KCND2: variants seen among roughly 807,000 people sequenced by gnomAD.
The protein encoded by KCND2 is A-type voltage-gated potassium channel KCND2.
KCND2 carries 16 observed loss-of-function variants against 54.4 expected under a neutral mutation model. The ratio of observed to expected loss-of-function variants is 0.29; its 90% CI spans 0.20 to 0.45. KCND2 has a LOEUF of 0.45. Ranked by LOEUF, KCND2 falls within the 20% of genes least tolerant of loss-of-function variation. The pLI, the probability that KCND2 is intolerant of heterozygous loss-of-function variation, is 1.00. For missense variants in KCND2, 486 were observed against 824.2 expected, an observed-to-expected ratio of 0.59 and a Z score of 5.02; for synonymous variants, 317 against 310.7, an observed-to-expected ratio of 1.02 and a Z score of -0.21.
In KCND2 at chr7:120,492,795, T is replaced by C. The variant is rs541543084; in HGVS notation, c.1115+217048T>C. 7.9e-5 allele frequency among the ~76,000 whole-genome samples: 12 copies of C among 152,212 alleles called. No individual in the cohort carries two copies. The South Asian group carries it at 2.3e-3, about 29-fold the overall frequency. ...CGTGCCATAAATATGCTCAGAACAC[T>C]TCCATTAGCCTACAGTTGGGCAAAG... On this transcript the variant is annotated intron_variant, in intron 1 of 5. Transcript: ENST00000331113.
intron 1 of KCND2, among the ~76,000 whole-genome samples, chr7:120,680,306 T>G (rs1792122992): frequency 6.6e-6 from 1 of 152,108 alleles, no homozygotes; most frequent in Non-Finnish European, 1.5e-5. Context: ...TCCCTGGCCC[T>G]TTGTCAGTAT....
At chr7:120,277,707 ATT>A in intron 1 of KCND2, among the ~76,000 whole-genome samples, 1 of 152,128 alleles carries the variant, frequency 6.6e-6, no homozygotes, top group Admixed American at 6.5e-5. Flanking sequence ...TGACTTTCCA[ATT>A]TTTATTTTAT....
At chr7:120,466,853 T>C (rs1465601418) in intron 1 of KCND2, among the ~76,000 whole-genome samples, 1 of 152,110 alleles carries the variant, frequency 6.6e-6, no homozygotes, top group Non-Finnish European at 1.5e-5. Context: ...GAGAATCCAC[T>C]CTCTCATCTT....
intron 1 of KCND2, among the ~76,000 whole-genome samples, chr7:120,437,207 T>G: frequency 6.7e-6 from 1 of 149,944 alleles, no homozygotes; most frequent in South Asian, 2.1e-4. Context: ...TATACAACTT[T>G]TTTTTTTTTT....
At chr7:120,597,827 A>G (rs2116468150) in intron 1 of KCND2, among the ~76,000 whole-genome samples, 1 of 152,266 alleles carries the variant, frequency 6.6e-6, no homozygotes. Context: ...TTAAGGCCCT[A>G]GTCAGTCTTG....
At chr7:120,348,955 C>G (rs918850722) in intron 1 of KCND2, among the ~76,000 whole-genome samples, 3 of 151,966 alleles carry the variant, frequency 2.0e-5, no homozygotes, top group African/African-American at 7.2e-5. Flanking sequence ...CTAGGGGGCT[C>G]ATAATAATAT....
chr7:120,460,701 T>G (rs1411805543), intron 1 of KCND2, among the ~76,000 whole-genome samples: 1 of 151,998 alleles, frequency 6.6e-6, no homozygotes, highest in African/African-American at 2.4e-5. Flanking sequence ...CGGAGGCACC[T>G]CCATACTGAT....
At chr7:120,545,123 C>T (rs796241646) in intron 1 of KCND2, among the ~76,000 whole-genome samples, 10 of 151,978 alleles carry the variant, frequency 6.6e-5, no homozygotes, top group African/African-American at 2.4e-4. Context: ...GATTCTAATC[C>T]TAAAACATGT....
intron 1 of KCND2, among the ~76,000 whole-genome samples, chr7:120,448,042 T>TATC (rs1170302183): frequency 5.9e-5 from 9 of 152,182 alleles, no homozygotes. Flanking sequence ...AAAAAATTAT[T>TATC]ATCATAGTTT....
intron 1 of KCND2, among the ~76,000 whole-genome samples, chr7:120,308,561 C>A (rs1365672671): frequency 6.6e-6 from 1 of 152,164 alleles, no homozygotes; most frequent in African/African-American, 2.4e-5. Flanking sequence ...TTATCACAAA[C>A]AATTGCCTTG....
chr7:120,319,833 ATATTT>A (rs1799868053), intron 1 of KCND2, among the ~76,000 whole-genome samples: 2 of 152,096 alleles, frequency 1.3e-5, no homozygotes, highest in Admixed American at 6.6e-5. Flanking sequence ...AATCAATATT[ATATTT>A]TATGTTTTTA....
At chr7:120,509,328 A>C (rs937211663) in intron 1 of KCND2, among the ~76,000 whole-genome samples, 1 of 152,236 alleles carries the variant, frequency 6.6e-6, no homozygotes, top group South Asian at 2.1e-4. Flanking sequence ...CAAATGTGCC[A>C]TAAGAATATA....
chr7:120,458,951 C>T (rs146351677), intron 1 of KCND2, among the ~76,000 whole-genome samples: 4,030 of 151,156 alleles, frequency 0.027, 83 homozygotes, highest in Non-Finnish European at 0.045. Flanking sequence ...TTCTAGGAAA[C>T]ATTATTTCCT....
intron 1 of KCND2, among the ~76,000 whole-genome samples, chr7:120,428,837 T>C (rs1231383701): frequency 6.6e-6 from 1 of 152,214 alleles, no homozygotes; most frequent in Admixed American, 6.5e-5. Context: ...TTAGTTTCTT[T>C]TAATTCTGGG....
intron 1 of KCND2, among the ~76,000 whole-genome samples, chr7:120,588,859 C>A (rs1461474616): frequency 6.6e-6 from 1 of 152,202 alleles, no homozygotes; most frequent in African/African-American, 2.4e-5. Context: ...TAATTGTCCA[C>A]CTGCCCATCT....
At chr7:120,365,682 C>T (rs553957298) in intron 1 of KCND2, among the ~76,000 whole-genome samples, 1 of 152,136 alleles carries the variant, frequency 6.6e-6, no homozygotes, top group South Asian at 2.1e-4. Flanking sequence ...TTACTAAATA[C>T]TTTTTGACGT....
At position 120,660,868 on chromosome 7, in the gene KCND2, G is replaced by A. The variant is rs142220753; in HGVS notation, c.1116-72035G>A. Among the ~76,000 whole-genome samples, 369 of 152,200 alleles carry A rather than the reference G, an allele frequency of 2.4e-3. 1 individual carries two copies. Among genetic ancestry groups the A allele is most frequent in the African/African-American group, 8.3e-3 (344 of 41,532 alleles). ...AGGTCTTTTTCTAGAAATTGAGATGGGTAAGAGAAAGAGTGTTAAATATTA... is the reference window on the plus strand; with the variant it reads ...AGGTCTTTTTCTAGAAATTGAGATGAGTAAGAGAAAGAGTGTTAAATATTA... On this transcript the variant is annotated intron_variant, in intron 1 of 5. Transcript: ENST00000331113.
At chr7:120,356,953 A>G (rs1428915776) in intron 1 of KCND2, among the ~76,000 whole-genome samples, 4 of 152,140 alleles carry the variant, frequency 2.6e-5, no homozygotes, top group African/African-American at 9.7e-5. Context: ...GTATTATTAA[A>G]AAGTTAGACT....
chr7:120,631,170 G>A (rs907629997), intron 1 of KCND2, among the ~76,000 whole-genome samples: 1 of 151,996 alleles, frequency 6.6e-6, no homozygotes, highest in African/African-American at 2.4e-5. Flanking sequence ...TAATACTGTT[G>A]CAAGTATAAA....
Sources: allele counts gnomAD v4.1 joint callset (sites outside exome capture counted in the v4.1 genomes callset), GRCh38; gene constraint gnomAD v4.1.1; transcripts MANE v1.5; gene names NCBI Gene and HGNC (gene_info 2026-07-23, HGNC 2026-07-21).